Variants in DCC observed in about 807,000 individuals in gnomAD.
DCC encodes the protein netrin receptor DCC.
In DCC, 58 loss-of-function variants were observed where a neutral mutation model predicts 172.5. That is an observed-to-expected ratio of 0.34 (90% CI 0.27 to 0.42). The LOEUF (loss-of-function observed/expected upper bound fraction) is 0.42. Among genes scored for constraint, DCC ranks in the 10% least tolerant of loss-of-function variants. The pLI is 1.00. For missense variants in DCC, 1,740 were observed against 1,791.0 expected, an observed-to-expected ratio of 0.97 and a Z score of 0.51; for synonymous variants, 709 against 644.5, an observed-to-expected ratio of 1.10 and a Z score of -1.52.
At chr18:52,492,795 T>C (rs1598860948) in intron 1 of DCC, among the ~76,000 whole-genome samples, 1 of 152,024 alleles carries the variant, frequency 6.6e-6, no homozygotes, top group African/African-American at 2.4e-5. Flanking sequence ...AGGTAGAGTA[T>C]GTACACCCAG....
chr18:53,509,533 A>C (rs1251999576), intron 27 of DCC, among the ~76,000 whole-genome samples: 1 of 152,190 alleles, frequency 6.6e-6, no homozygotes, highest in Non-Finnish European at 1.5e-5. Context: ...GACCCTCTGC[A>C]GATTAGATTA....
At chr18:53,393,731 A>C (rs1908724123) in intron 17 of DCC, among the ~76,000 whole-genome samples, 2 of 152,198 alleles carry the variant, frequency 1.3e-5, no homozygotes, top group South Asian at 4.1e-4. Flanking sequence ...TGAGTTCCAA[A>C]ATTTCCTGAA....
chr18:53,084,721 C>T (rs1212798423), intron 7 of DCC, among the ~76,000 whole-genome samples: 2 of 152,110 alleles, frequency 1.3e-5, no homozygotes, highest in African/African-American at 2.4e-5. Flanking sequence ...TACAGCTTTG[C>T]CTAGAGGACA....
intron 12 of DCC, among the ~76,000 whole-genome samples, chr18:53,284,515 A>G (rs928111401): frequency 6.6e-6 from 1 of 152,308 alleles, no homozygotes; most frequent in African/African-American, 2.4e-5. Flanking sequence ...ACCTTCTGCC[A>G]TGACTGTGAG....
chr18:52,639,803 C>G (rs770600802), intron 1 of DCC, among the ~76,000 whole-genome samples: 12 of 152,088 alleles, frequency 7.9e-5, no homozygotes, highest in Non-Finnish European at 1.3e-4. Context: ...GAATTGGTAC[C>G]TATTCTTGTG....
chr18:52,505,725 G>T (rs1275531272), intron 1 of DCC, among the ~76,000 whole-genome samples: 1 of 152,070 alleles, frequency 6.6e-6, no homozygotes, highest in Non-Finnish European at 1.5e-5. Flanking sequence ...CTATCTTGTG[G>T]ACACATTACT....
chr18:53,085,623 GA>G (rs1201262163), intron 7 of DCC, among the ~76,000 whole-genome samples: 2 of 151,950 alleles, frequency 1.3e-5, no homozygotes, highest in African/African-American at 4.8e-5. Flanking sequence ...TTAAAACATA[GA>G]ACATGCTATG....
chr18:52,444,672 T>G (rs1356534709), intron 1 of DCC, among the ~76,000 whole-genome samples: 6 of 152,206 alleles, frequency 3.9e-5, no homozygotes, highest in Non-Finnish European at 5.9e-5. Context: ...TAGAGTAGTA[T>G]TAAACCACAT....
chr18:52,500,023 T>C (rs1448471121), intron 1 of DCC, among the ~76,000 whole-genome samples: 1 of 152,158 alleles, frequency 6.6e-6, no homozygotes, highest in Non-Finnish European at 1.5e-5. Context: ...CATTCTTCTA[T>C]AGTCTTAATA....
At chr18:52,407,484 A>T (rs1986693769) in intron 1 of DCC, among the ~76,000 whole-genome samples, 1 of 152,072 alleles carries the variant, frequency 6.6e-6, no homozygotes, top group African/African-American at 2.4e-5. Context: ...TACTTCCTTG[A>T]TATTGATTAT....
At chr18:53,205,450 G>A in intron 10 of DCC, 86 bp downstream of exon 10, 7 of 1,375,148 alleles carry the variant, frequency 5.1e-6, no homozygotes, top group Non-Finnish European at 7.3e-6. Context: ...AATAGGAAAA[G>A]ACTCGCAAAC....
At chr18:53,326,241 ACTT>A in intron 14 of DCC, among the ~76,000 whole-genome samples, 1 of 152,206 alleles carries the variant, frequency 6.6e-6, no homozygotes, top group South Asian at 2.1e-4. Flanking sequence ...TAGAATTGAT[ACTT>A]CTTGCACAAA....
At chr18:52,900,976 C>T (rs2039800924) in intron 2 of DCC, among the ~76,000 whole-genome samples, 1 of 152,130 alleles carries the variant, frequency 6.6e-6, no homozygotes, top group African/African-American at 2.4e-5. Flanking sequence ...GCAGAAAGTA[C>T]TTACTAAACA....
chr18:52,622,734 T>C (rs2034502694), intron 1 of DCC, among the ~76,000 whole-genome samples: 1 of 152,218 alleles, frequency 6.6e-6, no homozygotes, highest in Non-Finnish European at 1.5e-5. Context: ...AATAGATGTA[T>C]CCACATGGCT....
chr18:53,427,994 A>T lies in DCC; in HGVS notation c.3164-7150A>T, dbSNP rs1461724691. ...TATATAATATAATATAATATATTAT[A>T]ATAATATATAATATAATACTATAAT... On this transcript the variant is annotated intron_variant, in intron 21 of 28. Coordinates refer to ENST00000442544, the MANE Select transcript of DCC (RefSeq NM_005215.4). Among the ~76,000 whole-genome samples, 4 of 62,674 alleles carry T rather than the reference A, an allele frequency of 6.4e-5. No individual in the cohort carries two copies. In the East Asian group the frequency reaches 1.3e-3, roughly 21 times the overall value. 41.1% of individuals were successfully genotyped at this position (62,674 alleles called of 152,430 possible). A position where few individuals can be genotyped will look rare whatever the true frequency, so the allele number is the denominator to read the frequency against.
chr18:52,838,846 G>A (rs942570550), intron 2 of DCC, among the ~76,000 whole-genome samples: 1 of 152,156 alleles, frequency 6.6e-6, no homozygotes, highest in African/African-American at 2.4e-5. Context: ...CAACACTTTG[G>A]GAGAAAATGG....
At chr18:52,966,670 T>A (rs1216985051) in intron 5 of DCC, among the ~76,000 whole-genome samples, 1 of 152,190 alleles carries the variant, frequency 6.6e-6, no homozygotes, top group East Asian at 1.9e-4. Context: ...AGTACAGCTA[T>A]GTTAGGCGAC....
intron 1 of DCC, among the ~76,000 whole-genome samples, chr18:52,701,442 C>T (rs1707376023): frequency 6.6e-6 from 1 of 152,058 alleles, no homozygotes; most frequent in African/African-American, 2.4e-5. Flanking sequence ...TCCTTCCTAC[C>T]CATAGACAGT....
chr18:52,446,911 T>C (rs1364554262), intron 1 of DCC, among the ~76,000 whole-genome samples: 3 of 152,228 alleles, frequency 2.0e-5, no homozygotes, highest in East Asian at 1.9e-4. Context: ...CAGAGAGACA[T>C]TTCAATTCAA....
Sources: allele counts gnomAD v4.1 joint callset (sites outside exome capture counted in the v4.1 genomes callset), GRCh38; gene constraint gnomAD v4.1.1; transcripts MANE v1.5; gene names NCBI Gene and HGNC (gene_info 2026-07-23, HGNC 2026-07-21).